The following PAFAH1B1 variants were observed in gnomAD, a reference collection of about 807,000 sequenced individuals.
PAFAH1B1 encodes the protein platelet-activating factor acetylhydrolase IB subunit beta.
Under a neutral mutation model 57.5 loss-of-function variants are expected in PAFAH1B1, and 2 were observed. That is an observed-to-expected ratio of 0.03 (90% CI 0.01 to 0.11). PAFAH1B1 has a LOEUF of 0.11. PAFAH1B1 is among the 10% of genes least tolerant of loss of function. The probability of loss-of-function intolerance (pLI) is 1.00; values close to 1 mark genes in which losing one functional copy is unlikely to be tolerated. For missense variants in PAFAH1B1, 257 were observed against 512.0 expected (o/e 0.50, Z 4.81); for synonymous variants, 152 against 169.6 (o/e 0.90, Z 0.81).
chr17:2,626,185 CA>C (rs959581463), intron 1 of PAFAH1B1, among the ~76,000 whole-genome samples: 4 of 151,652 alleles, frequency 2.6e-5, no homozygotes, highest in South Asian at 2.1e-4. Context: ...ACCCAGGAGG[CA>C]GAGGTTGCAG....
chr17:2,595,244 C>CT lies in PAFAH1B1; in HGVS notation c.-191+1238_-191+1239insT, dbSNP rs553471912. 3.9e-5 allele frequency among the ~76,000 whole-genome samples: 6 copies of CT among 152,126 alleles called. No homozygotes were observed. In the South Asian group the frequency reaches 1.2e-3, roughly 32 times the overall value. The stretch of plus-strand genomic sequence containing the variant: ...CTTTAAGCACACAGTCTTGGAGTTT[C>CT]ATAAGGTTTTAAAGGCCAAACAAAC... On this transcript the variant is annotated intron_variant, in intron 1 of 10. Transcript: ENST00000397195.
chr17:2,634,586 T>A (rs1428500311), intron 1 of PAFAH1B1, among the ~76,000 whole-genome samples: 1 of 152,224 alleles, frequency 6.6e-6, no homozygotes, highest in Non-Finnish European at 1.5e-5. Context: ...GTTGTCCTAA[T>A]GTAGACCTCT....
intron 2 of PAFAH1B1, among the ~76,000 whole-genome samples, chr17:2,655,207 GT>G (rs1348746583): frequency 1.3e-5 from 2 of 150,788 alleles, no homozygotes; most frequent in Non-Finnish European, 2.9e-5. Flanking sequence ...GTGTGTGTGT[GT>G]GTGTGTGTTT....
intron 1 of PAFAH1B1, among the ~76,000 whole-genome samples, chr17:2,633,961 CTTT>C (rs553588827): frequency 1.5e-3 from 180 of 119,738 alleles, no homozygotes; most frequent in Non-Finnish European, 1.7e-3. Context: ...AGTACCAAAC[CTTT>C]TTTTTTTTTT....
At chr17:2,595,391 A>T (rs2068073779) in intron 1 of PAFAH1B1, among the ~76,000 whole-genome samples, 1 of 145,844 alleles carries the variant, frequency 6.9e-6, no homozygotes, top group African/African-American at 2.6e-5. Flanking sequence ...TGATAATGTC[A>T]TCCCTCCCTT....
At chr17:2,653,199 T>C (rs1023007416) in intron 2 of PAFAH1B1, among the ~76,000 whole-genome samples, 1 of 151,930 alleles carries the variant, frequency 6.6e-6, no homozygotes, top group African/African-American at 2.4e-5. Flanking sequence ...ATGTTCTCAC[T>C]CATAGGTGGG....
chr17:2,674,676 G>T (rs548908726), intron 8 of PAFAH1B1, among the ~76,000 whole-genome samples: 1 of 152,264 alleles, frequency 6.6e-6, no homozygotes, highest in East Asian at 1.9e-4. Flanking sequence ...ATGCAGTTCA[G>T]TATTTATTTT....
At chr17:2,654,927 C>T (rs1354598201) in intron 2 of PAFAH1B1, among the ~76,000 whole-genome samples, 2 of 151,798 alleles carry the variant, frequency 1.3e-5, no homozygotes, top group Non-Finnish European at 2.9e-5. Context: ...CAGGTGTGAG[C>T]CACCCTGCGT....
At chr17:2,629,833 A>C (rs2068533868) in intron 1 of PAFAH1B1, among the ~76,000 whole-genome samples, 1 of 152,212 alleles carries the variant, frequency 6.6e-6, no homozygotes, top group Non-Finnish European at 1.5e-5. Context: ...ACTATTATAT[A>C]ACGTCCCTCT....
chr17:2,652,446 C>A (rs552707287), intron 2 of PAFAH1B1, among the ~76,000 whole-genome samples: 4 of 152,168 alleles, frequency 2.6e-5, no homozygotes, highest in Non-Finnish European at 2.9e-5. Flanking sequence ...AAAAACATTT[C>A]TCCATGTGTT....
chr17:2,607,525 C>T (rs1249570014), intron 1 of PAFAH1B1, among the ~76,000 whole-genome samples: 1 of 151,490 alleles, frequency 6.6e-6, no homozygotes, highest in Non-Finnish European at 1.5e-5. Context: ...CGCTCTATCA[C>T]CCAGGCCAGA....
intron 8 of PAFAH1B1, among the ~76,000 whole-genome samples, chr17:2,676,112 G>A (rs1235987325): frequency 6.6e-6 from 1 of 152,190 alleles, no homozygotes; most frequent in African/African-American, 2.4e-5. Flanking sequence ...AGTGGCTCAC[G>A]CCTGTAATTC....
chr17:2,659,592 A>G (rs2151653134), intron 2 of PAFAH1B1: 1 of 160,170 alleles, frequency 6.2e-6, no homozygotes, highest in South Asian at 1.2e-4. Flanking sequence ...CAGCACTGGG[A>G]GGCCAAGGCA....
intron 1 of PAFAH1B1, among the ~76,000 whole-genome samples, chr17:2,627,866 T>G (rs764308344): frequency 6.6e-6 from 1 of 152,232 alleles, no homozygotes; most frequent in Non-Finnish European, 1.5e-5. Context: ...AGTTCTTGAT[T>G]TGATCCTCTG....
At chr17:2,647,789 G>C (rs1367367815) in intron 2 of PAFAH1B1, among the ~76,000 whole-genome samples, 2 of 151,980 alleles carry the variant, frequency 1.3e-5, no homozygotes, top group Non-Finnish European at 2.9e-5. Context: ...TGGATCATGG[G>C]GTCAGGTGAT....
chr17:2,617,102 A>T (rs541649456), intron 1 of PAFAH1B1, among the ~76,000 whole-genome samples: 8 of 152,250 alleles, frequency 5.3e-5, no homozygotes, highest in African/African-American at 1.9e-4. Context: ...TAATAAGAAA[A>T]AAACAGACAT....
chr17:2,683,254 A>G lies in PAFAH1B1; in HGVS notation c.*1452A>G, dbSNP rs1291094002. ...TTTTAGCCATGACTTTTGGAGCACT[A>G]TTCCATTGTCAGTTATTAATAAAGA... is the stretch of plus-strand genomic sequence containing the variant. On this transcript the variant is annotated 3_prime_UTR_variant, in exon 11 of 11. Transcript: ENST00000397195. 6.6e-6 allele frequency: 1 copy of G among 152,242 alleles called. No individual in the cohort carries two copies. Among genetic ancestry groups the G allele is most frequent in the Non-Finnish European group, 1.5e-5 (1 of 68,046 alleles). 9.4% of individuals were successfully genotyped at this position (152,242 alleles called of 1,614,324 possible).
At chr17:2,604,640 A>G (rs558292734) in intron 1 of PAFAH1B1, among the ~76,000 whole-genome samples, 56 of 152,170 alleles carry the variant, frequency 3.7e-4, no homozygotes, top group African/African-American at 1.2e-3. Context: ...GTGAAGCCCT[A>G]TCTCTACTAA....
chr17:2,618,681 C>G (rs1310243019), intron 1 of PAFAH1B1, among the ~76,000 whole-genome samples: 1 of 151,576 alleles, frequency 6.6e-6, no homozygotes, highest in African/African-American at 2.4e-5. Context: ...GAGTTTCGCT[C>G]TTGTTGCCCA....
Sources: gnomAD v4.1 joint callset for allele counts (sites outside exome capture counted in the v4.1 genomes callset) on GRCh38, gnomAD v4.1.1 for gene constraint, MANE v1.5 for transcripts, NCBI Gene and HGNC (gene_info 2026-07-23, HGNC 2026-07-21) for gene names.